PRKAR1A: variants seen among roughly 807,000 people sequenced by gnomAD.
PRKAR1A encodes cAMP-dependent protein kinase type I-alpha regulatory subunit.
In PRKAR1A, 3 loss-of-function variants were observed where a neutral mutation model predicts 52.0. The ratio of observed to expected loss-of-function variants is 0.06; its 90% CI spans 0.03 to 0.15. PRKAR1A has a LOEUF of 0.15. PRKAR1A is among the 10% of genes least tolerant of loss of function. The probability of loss-of-function intolerance (pLI) is 1.00; values close to 1 mark genes in which losing one functional copy is unlikely to be tolerated. For synonymous variants in PRKAR1A, 188 were observed against 168.4 expected (o/e 1.12, Z -0.90); for missense variants, 240 against 477.4 (o/e 0.50, Z 4.63).
chr17:68,536,680 G>A (rs1197152554), downstream of PRKAR1A: 1 of 453,372 alleles, frequency 2.2e-6, no homozygotes, highest in South Asian at 1.6e-5. Context: ...CTTACTCCAG[G>A]CTTGTGTCCC....
intron 9 of PRKAR1A, 78 bp downstream of exon 9, chr17:68,529,069 C>G (rs2085883382): frequency 1.3e-6 from 2 of 1,562,160 alleles, no homozygotes; most frequent in African/African-American, 2.7e-5. Flanking sequence ...GTTGTACGCT[C>G]TAAGAGGGAA....
chr17:68,428,607 T>G, the PRKAR1A span: 1 of 491,454 alleles, frequency 2.0e-6, no homozygotes, highest in Non-Finnish European at 3.7e-6. Context: ...GAGACCATCT[T>G]GTGTGTTATT....
At chr17:68,473,847 G>A in the PRKAR1A span, among the ~76,000 whole-genome samples, 1 of 152,116 alleles carries the variant, frequency 6.6e-6, no homozygotes, top group Non-Finnish European at 1.5e-5. Context: ...ATGGATTGTT[G>A]ATTTCTGGAA....
chr17:68,439,925 G>T, the PRKAR1A span, among the ~76,000 whole-genome samples: 40,272 of 150,672 alleles, frequency 0.27, 5,982 homozygotes, highest in Middle Eastern at 0.35. Flanking sequence ...AGCAGTCTTG[G>T]AGCAGAAGCC....
chr17:68,435,539 G>A, the PRKAR1A span: 1 of 1,372,504 alleles, frequency 7.3e-7, no homozygotes. Flanking sequence ...CATGTCACCA[G>A]GTTTGTTCAA....
At chr17:68,475,704 A>G in the PRKAR1A span, among the ~76,000 whole-genome samples, 11 of 152,076 alleles carry the variant, frequency 7.2e-5, no homozygotes, top group African/African-American at 2.7e-4. Context: ...CCTTTAGGCA[A>G]TCTGCCCCAC....
intron 6 of PRKAR1A, 61 bp downstream of exon 6, chr17:68,525,019 G>T: frequency 7.4e-7 from 1 of 1,357,304 alleles, no homozygotes; most frequent in South Asian, 1.2e-5. Context: ...GATCGCTTCC[G>T]AGCAATAAGA....
the PRKAR1A span, among the ~76,000 whole-genome samples, chr17:68,447,968 G>C: frequency 4.1e-5 from 5 of 122,458 alleles, no homozygotes; most frequent in Non-Finnish European, 8.0e-5. Context: ...CTGGGCAACA[G>C]AGTGAGACTC....
chr17:68,442,647 C>T, the PRKAR1A span, among the ~76,000 whole-genome samples: 598 of 152,164 alleles, frequency 3.9e-3, 7 homozygotes, highest in African/African-American at 0.014. Flanking sequence ...TCTGCATGCC[C>T]GATGTCCCTC....
upstream of PRKAR1A, among the ~76,000 whole-genome samples, chr17:68,506,953 G>A (rs1036726375): frequency 2.0e-5 from 3 of 152,134 alleles, no homozygotes; most frequent in Admixed American, 6.6e-5. Context: ...CCTTGAAATG[G>A]GATGAAAAAG....
intron 2 of PRKAR1A, among the ~76,000 whole-genome samples, chr17:68,519,487 A>G (rs2085536576): frequency 6.6e-6 from 1 of 152,216 alleles, no homozygotes; most frequent in African/African-American, 2.4e-5. Flanking sequence ...CACCCCTGTG[A>G]TTAAATTACC....
chr17:68,428,384 A>C, the PRKAR1A span: 1 of 172,546 alleles, frequency 5.8e-6, no homozygotes, highest in African/African-American at 2.4e-5. Flanking sequence ...GTGTGCCACC[A>C]CAACCGGCTA....
the PRKAR1A span, among the ~76,000 whole-genome samples, chr17:68,477,215 G>T: frequency 6.6e-6 from 1 of 151,982 alleles, no homozygotes; most frequent in African/African-American, 2.4e-5. Context: ...CATCAAATCT[G>T]GTTGACAATG....
chr17:68,457,823 C>G, the PRKAR1A span, among the ~76,000 whole-genome samples: 1 of 152,174 alleles, frequency 6.6e-6, no homozygotes, highest in African/African-American at 2.4e-5. Flanking sequence ...TGGACAAAGG[C>G]GCGTGACGCA....
At chr17:68,492,995 C>G in the PRKAR1A span, among the ~76,000 whole-genome samples, 3 of 152,064 alleles carry the variant, frequency 2.0e-5, no homozygotes, top group Non-Finnish European at 4.4e-5. Context: ...ATCTTTATGA[C>G]AGAATGATTT....
the PRKAR1A span, among the ~76,000 whole-genome samples, chr17:68,496,528 C>T: frequency 6.6e-6 from 1 of 152,188 alleles, no homozygotes; most frequent in Non-Finnish European, 1.5e-5. Context: ...AATTCATCTA[C>T]AATATTAATT....
the PRKAR1A span, among the ~76,000 whole-genome samples, chr17:68,464,148 G>A: frequency 6.6e-6 from 1 of 152,178 alleles, no homozygotes. Context: ...AGGCCACACT[G>A]TAGCTGCAAA....
downstream of PRKAR1A, among the ~76,000 whole-genome samples, chr17:68,534,308 T>C (rs2086047906): frequency 6.6e-6 from 1 of 152,224 alleles, no homozygotes; most frequent in Admixed American, 6.5e-5. Flanking sequence ...GTGGGCTTTT[T>C]TTAATCTTCG....
chr17:68,534,895 C>G (rs910779526), downstream of PRKAR1A, among the ~76,000 whole-genome samples: 6 of 152,174 alleles, frequency 3.9e-5, no homozygotes, highest in Non-Finnish European at 8.8e-5. Flanking sequence ...TGTATTTCCC[C>G]TAGGAGCAAT....
Sources: allele counts gnomAD v4.1 joint callset (sites outside exome capture counted in the v4.1 genomes callset), GRCh38; gene constraint gnomAD v4.1.1; transcripts MANE v1.5; gene names NCBI Gene and HGNC (gene_info 2026-07-23, HGNC 2026-07-21).